The following STAG1 variants were observed in gnomAD, a reference collection of about 807,000 sequenced individuals.
The protein encoded by STAG1 is cohesin subunit SA-1.
Under a neutral mutation model 170.9 loss-of-function variants are expected in STAG1, and 26 were observed. That is an observed-to-expected ratio of 0.15 (90% CI 0.11 to 0.21). The LOEUF is 0.21. Among genes scored for constraint, STAG1 ranks in the 10% least tolerant of loss-of-function variants. The pLI, the probability that STAG1 is intolerant of heterozygous loss-of-function variation, is 1.00. For missense variants in STAG1, 964 were observed against 1,509.5 expected (o/e 0.64, Z 5.99); for synonymous variants, 514 against 497.7 (o/e 1.03, Z -0.44).
At chr3:136,560,741 A>T (rs1417654137) in intron 5 of STAG1, among the ~76,000 whole-genome samples, 2 of 152,220 alleles carry the variant, frequency 1.3e-5, no homozygotes. Context: ...GCAACTTGAG[A>T]TAGCTAAATT....
chr3:136,656,447 T>G (rs1286409653), intron 1 of STAG1, among the ~76,000 whole-genome samples: 4 of 18,600 alleles, frequency 2.2e-4, no homozygotes, highest in South Asian at 3.0e-3. Flanking sequence ...TGTGTGTATT[T>G]TATCATTTTT....
At chr3:136,510,646 T>G (rs1055463503) in intron 7 of STAG1, among the ~76,000 whole-genome samples, 5 of 143,674 alleles carry the variant, frequency 3.5e-5, no homozygotes, top group Non-Finnish European at 3.0e-5. Flanking sequence ...AGTCTTGCTG[T>G]GTCACCAAGG....
chr3:136,429,493 G>A (rs1347538234), intron 16 of STAG1, among the ~76,000 whole-genome samples: 1 of 152,192 alleles, frequency 6.6e-6, no homozygotes, highest in African/African-American at 2.4e-5. Context: ...AGATGATGAG[G>A]AAGAAAATGC....
intron 1 of STAG1, among the ~76,000 whole-genome samples, chr3:136,749,350 G>A (rs112273936): frequency 5.9e-5 from 9 of 152,224 alleles, no homozygotes; most frequent in Admixed American, 2.0e-4. Context: ...GTGGCCACAC[G>A]GCAAGGATCT....
chr3:136,427,372 T>A (rs1336832269), intron 16 of STAG1, among the ~76,000 whole-genome samples: 1 of 152,212 alleles, frequency 6.6e-6, no homozygotes, highest in African/African-American at 2.4e-5. Flanking sequence ...AAAAGCCCCA[T>A]GACACTAATC....
At chr3:136,670,870 A>C (rs1941960196) in intron 1 of STAG1, among the ~76,000 whole-genome samples, 1 of 152,208 alleles carries the variant, frequency 6.6e-6, no homozygotes, top group Non-Finnish European at 1.5e-5. Context: ...AGATTTCAAT[A>C]ATGGATGTAT....
intron 1 of STAG1, among the ~76,000 whole-genome samples, chr3:136,667,617 C>A (rs1005614222): frequency 2.0e-5 from 3 of 152,074 alleles, no homozygotes; most frequent in Admixed American, 6.5e-5. Context: ...CTGCCGCAGC[C>A]TCCCAGTAGC....
intron 1 of STAG1, among the ~76,000 whole-genome samples, chr3:136,656,511 A>C (rs991538900): frequency 1.3e-5 from 2 of 152,016 alleles, no homozygotes; most frequent in Non-Finnish European, 2.9e-5. Context: ...GGGTCCCCAG[A>C]ACAAAGCAAT....
chr3:136,491,502 G>A (rs1326631168), intron 9 of STAG1, among the ~76,000 whole-genome samples: 1 of 152,054 alleles, frequency 6.6e-6, no homozygotes, highest in Non-Finnish European at 1.5e-5. Flanking sequence ...TTCACATTCA[G>A]TATTTTGTGT....
intron 1 of STAG1, among the ~76,000 whole-genome samples, chr3:136,663,648 CTTAGGACTG>C (rs1476801612): frequency 6.6e-6 from 1 of 152,132 alleles, no homozygotes; most frequent in Non-Finnish European, 1.5e-5. Flanking sequence ...GTAACACTAA[CTTAGGACTG>C]TTAAGTAAAC....
At chr3:136,675,751 CTTATT>C (rs1193231652) in intron 1 of STAG1, among the ~76,000 whole-genome samples, 1 of 151,956 alleles carries the variant, frequency 6.6e-6, no homozygotes, top group Non-Finnish European at 1.5e-5. Flanking sequence ...TTTGGATTTG[CTTATT>C]TTAAACATTT....
chr3:136,429,222 C>A (rs540985283), intron 16 of STAG1, among the ~76,000 whole-genome samples: 1 of 152,152 alleles, frequency 6.6e-6, no homozygotes, highest in Non-Finnish European at 1.5e-5. Context: ...GCCTGGCCAA[C>A]GTGGCGAAAC....
chr3:136,698,041 A>C (rs1942950787), intron 1 of STAG1, among the ~76,000 whole-genome samples: 1 of 152,192 alleles, frequency 6.6e-6, no homozygotes, highest in Non-Finnish European at 1.5e-5. Flanking sequence ...GAAAGAAAGA[A>C]AATCTAAGAC....
chr3:136,437,058 A>G (rs1319405754), intron 15 of STAG1, among the ~76,000 whole-genome samples: 1 of 152,238 alleles, frequency 6.6e-6, no homozygotes, highest in Non-Finnish European at 1.5e-5. Flanking sequence ...GGCTGGAGCT[A>G]AAGGAAGTAC....
At chr3:136,472,359 G>C in intron 12 of STAG1, 54 bp downstream of exon 12, 2 of 1,326,060 alleles carry the variant, frequency 1.5e-6, no homozygotes, top group Non-Finnish European at 2.1e-6. Context: ...AAAAATCCTG[G>C]GGAAAAGGTA....
chr3:136,724,231 G>A lies in STAG1; in HGVS notation c.-84+27964C>T, dbSNP rs1457622257. ...TGTCTGTGTAGAAAGAGGTAGACAC[G>A]GGAGACTTTTCATTTTGTTCTGTAC... is the stretch of plus-strand genomic sequence containing the variant. On this transcript the variant is annotated intron_variant, in intron 1 of 33. Coordinates refer to ENST00000383202, the MANE Select transcript of STAG1 (RefSeq NM_005862.3). Among the ~76,000 whole-genome samples the A allele has an allele frequency of 2.6e-5, 4 of 151,932 alleles. 1 individual carries two copies. Among genetic ancestry groups the A allele is most frequent in the African/African-American group, 4.8e-5 (2 of 41,312 alleles).
At chr3:136,730,733 A>G (rs1933994264) in intron 1 of STAG1, among the ~76,000 whole-genome samples, 2 of 152,174 alleles carry the variant, frequency 1.3e-5, no homozygotes, top group Non-Finnish European at 2.9e-5. Context: ...CCTAAGGACA[A>G]AGTTCAAACA....
chr3:136,581,639 A>G (rs576245210), intron 4 of STAG1, among the ~76,000 whole-genome samples: 4 of 152,294 alleles, frequency 2.6e-5, no homozygotes, highest in Admixed American at 6.5e-5. Flanking sequence ...AAAAATATTA[A>G]TATTTTTGGA....
chr3:136,619,856 A>T (rs936587084), intron 3 of STAG1, among the ~76,000 whole-genome samples: 3 of 150,732 alleles, frequency 2.0e-5, no homozygotes, highest in African/African-American at 7.3e-5. Flanking sequence ...AGTTGAGCCC[A>T]GGAGTTTAAG....
Sources: gnomAD v4.1 joint callset for allele counts (sites outside exome capture counted in the v4.1 genomes callset) on GRCh38, gnomAD v4.1.1 for gene constraint, MANE v1.5 for transcripts, NCBI Gene and HGNC (gene_info 2026-07-23, HGNC 2026-07-21) for gene names.